The following LMBR1 variants were observed in gnomAD, a reference collection of about 807,000 sequenced individuals.
LMBR1 encodes limb development membrane protein 1.
A neutral mutation model predicts 73.9 loss-of-function variants in LMBR1; 52 were observed. That is an observed-to-expected ratio of 0.70 (90% CI 0.56 to 0.89). The LOEUF (loss-of-function observed/expected upper bound fraction) is 0.89, where lower values mean the gene tolerates loss of function less well. Ranked by LOEUF, LMBR1 falls within the 40% of genes least tolerant of loss-of-function variation. The pLI is 0.00. For missense variants in LMBR1, 539 were observed against 579.8 expected, an observed-to-expected ratio of 0.93 and a Z score of 0.72; for synonymous variants, 215 against 209.4, an observed-to-expected ratio of 1.03 and a Z score of -0.23.
At position 156,826,797 on chromosome 7, in the gene LMBR1, G is replaced by A. The variant is rs189895572; in HGVS notation, c.180-53C>T. 5.0e-5 allele frequency: 75 copies of A among 1,506,338 alleles called. 1 individual carries two copies. In the East Asian group the frequency reaches 8.2e-4, roughly 16 times the overall value. The allele number at this position is 1,506,338 out of a possible 1,614,324, so 93.3% of individuals were successfully genotyped here. Reference sequence around the variant, plus strand: ...AGTGATCTGAAAAAGCAATGAACACGAAAGTCATCAAAAAGAATGCAAACT... The same window carrying A: ...AGTGATCTGAAAAAGCAATGAACACAAAAGTCATCAAAAAGAATGCAAACT... On this transcript the variant is annotated intron_variant, in intron 3 of 16. Coordinates refer to ENST00000353442, the MANE Select transcript of LMBR1 (RefSeq NM_022458.4).
chr7:156,675,783 A>C (rs200889939), downstream of LMBR1: 3 of 1,614,010 alleles, frequency 1.9e-6, no homozygotes, highest in African/African-American at 2.7e-5. Context: ...CTTGGCCATA[A>C]ATCGAAGTGT....
chr7:156,799,444 T>C (rs186007649), intron 4 of LMBR1, among the ~76,000 whole-genome samples: 3 of 152,354 alleles, frequency 2.0e-5, no homozygotes, highest in Non-Finnish European at 4.4e-5. Context: ...ACCAGTGATC[T>C]TTGATGTTAC....
chr7:156,709,348 G>C lies in LMBR1; in HGVS notation c.1225+14764C>G, dbSNP rs139942174. ...CTGCCTGCAACATCCTGGCTAACCA[G>C]AGGTCCTGAGTCTGTCCACATGACA... is the stretch of plus-strand genomic sequence containing the variant. On this transcript the variant is annotated intron_variant, in intron 15 of 16. Transcript: ENST00000353442. 4.7e-3 allele frequency among the ~76,000 whole-genome samples: 722 copies of C among 152,306 alleles called. 7 individuals carry two copies. Among genetic ancestry groups the C allele is most frequent in the African/African-American group, 0.016 (677 of 41,582 alleles).
intron 5 of LMBR1, among the ~76,000 whole-genome samples, chr7:156,771,871 A>G (rs538379613): frequency 3.3e-4 from 51 of 152,352 alleles, no homozygotes; most frequent in African/African-American, 1.2e-3. Context: ...GCAGCACATC[A>G]AAAAGCTAAT....
intron 15 of LMBR1, among the ~76,000 whole-genome samples, chr7:156,690,152 T>C (rs900694126): frequency 4.6e-5 from 7 of 152,234 alleles, no homozygotes; most frequent in African/African-American, 1.7e-4. Context: ...TTGAAATTTT[T>C]TTTAACATAT....
At chr7:156,675,989 C>T, downstream of LMBR1, 2 of 990,346 alleles carry the variant, frequency 2.0e-6, no homozygotes, top group Non-Finnish European at 3.0e-6. Context: ...GCCCGGGGTG[C>T]AGCCGTGGAG....
At chr7:156,831,307 T>C (rs148876429) in intron 3 of LMBR1, among the ~76,000 whole-genome samples, 94 of 141,764 alleles carry the variant, frequency 6.6e-4, no homozygotes, top group African/African-American at 2.3e-3. Context: ...AAATGCTATT[T>C]AATCCACACA....
intron 4 of LMBR1, among the ~76,000 whole-genome samples, chr7:156,798,467 C>G (rs527375021): frequency 6.6e-6 from 1 of 152,120 alleles, no homozygotes; most frequent in African/African-American, 2.4e-5. Context: ...CTTCCCTCCC[C>G]CAACAGCCTA....
chr7:156,739,318 A>G (rs906316016), intron 9 of LMBR1, among the ~76,000 whole-genome samples: 4 of 151,654 alleles, frequency 2.6e-5, no homozygotes, highest in Admixed American at 1.3e-4. Flanking sequence ...TCTGACTTCA[A>G]ACTCTGCCTC....
At chr7:156,808,807 T>C (rs139581668) in intron 4 of LMBR1, among the ~76,000 whole-genome samples, 407 of 152,326 alleles carry the variant, frequency 2.7e-3, no homozygotes, top group African/African-American at 9.2e-3. Context: ...GATGATTTTA[T>C]TGGCTGCTCT....
intron 4 of LMBR1, among the ~76,000 whole-genome samples, chr7:156,799,852 C>T (rs183097754): frequency 6.6e-6 from 1 of 152,334 alleles, no homozygotes; most frequent in Non-Finnish European, 1.5e-5. Context: ...GAAAGCAAAA[C>T]AGCCTTACTG....
intron 15 of LMBR1, among the ~76,000 whole-genome samples, chr7:156,702,410 A>G (rs1345454568): frequency 6.6e-6 from 1 of 152,182 alleles, no homozygotes; most frequent in Non-Finnish European, 1.5e-5. Flanking sequence ...TTTCTGGACC[A>G]CATAAATGTC....
intron 1 of LMBR1, among the ~76,000 whole-genome samples, chr7:156,886,067 C>T (rs929721568): frequency 2.0e-5 from 3 of 148,258 alleles, no homozygotes; most frequent in Non-Finnish European, 4.5e-5. Flanking sequence ...AAAAAAAAGA[C>T]TTCCTTCAAG....
intron 15 of LMBR1, among the ~76,000 whole-genome samples, chr7:156,696,783 C>A (rs1563153852): frequency 6.6e-6 from 1 of 152,128 alleles, no homozygotes; most frequent in Non-Finnish European, 1.5e-5. Context: ...ATTATTCTGC[C>A]CCTGGCCCCT....
chr7:156,722,572 T>C (rs538172735), intron 15 of LMBR1, among the ~76,000 whole-genome samples: 47 of 152,306 alleles, frequency 3.1e-4, no homozygotes, highest in African/African-American at 8.2e-4. Context: ...TCAATGCCAC[T>C]GGGCATAACA....
chr7:156,865,508 T>C (rs1798328034), intron 1 of LMBR1, among the ~76,000 whole-genome samples: 1 of 152,230 alleles, frequency 6.6e-6, no homozygotes, highest in Admixed American at 6.5e-5. Context: ...ACTTCCCAAA[T>C]TGATCTACAT....
chr7:156,828,411 T>A (rs1392843992), intron 3 of LMBR1, among the ~76,000 whole-genome samples: 1 of 152,214 alleles, frequency 6.6e-6, no homozygotes, highest in East Asian at 1.9e-4. Context: ...GCATTATTTT[T>A]AAAAATTACA....
chr7:156,864,956 A>G (rs1287268970), intron 1 of LMBR1, among the ~76,000 whole-genome samples: 1 of 147,866 alleles, frequency 6.8e-6, no homozygotes, highest in East Asian at 2.0e-4. Flanking sequence ...AGGTCGCGCC[A>G]TTGCACTTCA....
chr7:156,839,986 G>C (rs1838361363), intron 1 of LMBR1, among the ~76,000 whole-genome samples: 1 of 152,204 alleles, frequency 6.6e-6, no homozygotes, highest in Non-Finnish European at 1.5e-5. Context: ...ACAATGGAAT[G>C]AAGTCTGAGT....
Sources: allele counts gnomAD v4.1 joint callset (sites outside exome capture counted in the v4.1 genomes callset), GRCh38; gene constraint gnomAD v4.1.1; transcripts MANE v1.5; gene names NCBI Gene and HGNC (gene_info 2026-07-23, HGNC 2026-07-21).